The following SLTM variants were observed in gnomAD, a reference collection of about 807,000 sequenced individuals.
SLTM encodes the protein SAFB like transcription modulator.
SLTM carries 43 observed loss-of-function variants against 134.6 expected under a neutral mutation model. That is an observed-to-expected ratio of 0.32 (90% CI 0.25 to 0.41). The LOEUF is 0.41. Ranked by LOEUF, SLTM falls within the 10% of genes least tolerant of loss-of-function variation. SLTM has a pLI of 1.00. For missense variants in SLTM, 1,055 were observed against 1,288.8 expected (o/e 0.82, Z 2.78); for synonymous variants, 424 against 432.3 (o/e 0.98, Z 0.24).
intron 2 of SLTM, among the ~76,000 whole-genome samples, chr15:58,927,206 A>C (rs1158524765): frequency 6.6e-6 from 1 of 152,228 alleles, no homozygotes; most frequent in African/African-American, 2.4e-5. Context: ...ATATGCAATT[A>C]AAATAGGCAC....
intron 14 of SLTM, among the ~76,000 whole-genome samples, chr15:58,891,821 T>C (rs2034663980): frequency 1.3e-5 from 2 of 152,212 alleles, no homozygotes; most frequent in South Asian, 4.1e-4. Flanking sequence ...AAGTATGTTA[T>C]ACATCAATTT....
rs201656241 is a variant in SLTM at position 58,887,061 on chromosome 15, G to C, written c.2749C>G (p.Pro917Ala). ...EVSGHSVRGA[P>A]PGNRSSASGY... ...GAAGCGCTGCTACGATTCCCAGGGG[G>C]AGCGCCTCTCACACTGTGCCCTGAT... Residue 917 changes from proline to alanine, a missense_variant, in exon 19 of 21, where the codon CCC becomes GCC. Around this residue, in one of 3 missense-constraint regions of SLTM, gnomAD observed 776 missense variants for 962.2 expected, o/e 0.81. Coordinates refer to ENST00000380516, the MANE Select transcript of SLTM (RefSeq NM_024755.4). The C allele has an allele frequency of 9.4e-5, 152 of 1,613,874 alleles. No individual in the cohort carries two copies. The highest frequency in any genetic ancestry group is 1.3e-4 in the Non-Finnish European group (149 of 1,180,026).
chr15:58,887,576 G>C (rs2034323638), intron 17 of SLTM, 36 bp from the exon 18 acceptor site: 2 of 1,563,310 alleles, frequency 1.3e-6, no homozygotes, highest in Non-Finnish European at 1.7e-6. Context: ...GGTCCAAGAA[G>C]TGCTTACTTG....
intron 4 of SLTM, 185 bp from the exon 5 acceptor site, chr15:58,912,795 G>A (rs190806595): frequency 7.0e-5 from 37 of 526,166 alleles, no homozygotes; most frequent in African/African-American, 3.8e-4. Flanking sequence ...TAGCCATGTC[G>A]CTAGAGAATT....
In SLTM at chr15:58,887,451, T is replaced by G. The variant is rs764782082; in HGVS notation, c.2465A>C (p.Asn822Thr). The change falls in exon 18 of 21, where the codon AAT becomes ACT. Residue 822 changes from asparagine to threonine, a missense_variant. Physicochemically the swap from Asn to Thr is moderately conservative, Grantham distance 65. Around this residue, in one of 3 missense-constraint regions of SLTM, gnomAD observed 776 missense variants for 962.2 expected, o/e 0.81. Transcript: ENST00000380516. ...CTCATTTCTTCTGGAGTCACTGAAA[T>G]TTTTGGGATATCTTTCGAAGCTTGG... ...EDPSFERYPK[N>T]FSDSRRNEPP... The G allele has an allele frequency of 1.9e-6, 3 of 1,614,036 alleles. No homozygotes were observed. The African/African-American group carries it at 4.0e-5, about 22-fold the overall frequency.
At chr15:58,911,937 G>C (rs2141115952) in intron 5 of SLTM, among the ~76,000 whole-genome samples, 1 of 152,132 alleles carries the variant, frequency 6.6e-6, no homozygotes, top group South Asian at 2.1e-4. Flanking sequence ...TTTATATCAA[G>C]TGACAAGAAA....
chr15:58,933,607 A>T lies in SLTM; in HGVS notation c.-42T>A. The T allele has an allele frequency of 6.6e-7, 1 of 1,514,506 alleles. No homozygotes were observed. The highest frequency in any genetic ancestry group is 8.8e-7 in the Non-Finnish European group (1 of 1,131,790). 93.8% of individuals were successfully genotyped at this position (1,514,506 alleles called of 1,614,324 possible). On this transcript the variant is annotated 5_prime_UTR_variant, in exon 1 of 21. Transcript: ENST00000380516. ...GCTGCCGAGGCAGCGAGTGGGCTGC[A>T]GGGCGGCGGCAGCAGCGCCAACTTC...
chr15:58,908,559 G>A (rs529409643), intron 5 of SLTM, among the ~76,000 whole-genome samples: 1 of 152,088 alleles, frequency 6.6e-6, no homozygotes, highest in Non-Finnish European at 1.5e-5. Flanking sequence ...TATAGAGACA[G>A]GGTCTTACTA....
In SLTM at chr15:58,897,157, G is replaced by C. The variant is rs1161564489; in HGVS notation, c.1185C>G (p.Thr395=). The change falls in exon 9 of 21, where the codon ACC becomes ACG. Residue 395 remains threonine, a synonymous_variant. Transcript: ENST00000380516. Reference sequence around the variant, plus strand: ...AGAGGTTCTTCAAATCAGCAGCTTTGGTATTAGATGAAAGTCCACTAACCC... The same window carrying C: ...AGAGGTTCTTCAAATCAGCAGCTTTCGTATTAGATGAAAGTCCACTAACCC... ...NIWVSGLSSN[T]KAADLKNLFG... 1 of 1,613,052 alleles carries C rather than the reference G, an allele frequency of 6.2e-7. No individual in the cohort carries two copies. Among genetic ancestry groups the C allele is most frequent in the Admixed American group, 1.7e-5 (1 of 59,978 alleles).
chr15:58,898,700 AT>A, intron 8 of SLTM, 102 bp downstream of exon 8: 1 of 813,316 alleles, frequency 1.2e-6, no homozygotes, highest in Non-Finnish European at 2.0e-6. Context: ...TGTCAATAAA[AT>A]TTTTAAGGAC....
Position 58,887,233 on chromosome 15 carries a change from C to T in SLTM, c.2683G>A (p.Glu895Lys). The T allele has an allele frequency of 1.2e-6, 2 of 1,613,708 alleles. No homozygotes were observed. The highest frequency in any genetic ancestry group is 1.7e-6 in the Non-Finnish European group (2 of 1,179,708). ...TACATAGTACACAGCTACCTTGTTTCCCGTTTGTCAGTGGACATGCTTCCT... is the reference window on the plus strand; with the variant it reads ...TACATAGTACACAGCTACCTTGTTTTCCGTTTGTCAGTGGACATGCTTCCT... ...SEGSMSTDKR[E>K]TRVERPERSG... Residue 895 changes from glutamate to lysine, a missense_variant, in exon 18 of 21, where the codon GAA becomes AAA. By Grantham distance (56) the Glu-to-Lys change is moderately conservative. This residue lies in a region of SLTM where 776 missense variants were observed against 962.2 expected (regional missense o/e 0.81). Coordinates refer to ENST00000380516, the MANE Select transcript of SLTM (RefSeq NM_024755.4).
At chr15:58,931,741 T>C (rs928153902) in intron 2 of SLTM, among the ~76,000 whole-genome samples, 6 of 152,226 alleles carry the variant, frequency 3.9e-5, no homozygotes, top group African/African-American at 1.2e-4. Flanking sequence ...GAAATAAATA[T>C]ATTTTGCTCT....
chr15:58,889,752 G>A (rs1380322045), intron 15 of SLTM, among the ~76,000 whole-genome samples, 198 bp from the exon 16 acceptor site: 23 of 152,160 alleles, frequency 1.5e-4, no homozygotes, highest in Non-Finnish European at 4.4e-5. Context: ...AAATAACAAG[G>A]ACTGGGTGGT....
At chr15:58,912,821 G>C (rs2036378206) in intron 4 of SLTM, 4 of 492,516 alleles carry the variant, frequency 8.1e-6, no homozygotes, top group Non-Finnish European at 1.5e-5. Flanking sequence ...TATTTCTCTT[G>C]AGCCCCTCAT....
In SLTM at chr15:58,908,002, CGTGTGTGTGT is replaced by C. The variant is rs140029214; in HGVS notation, c.561+4551_561+4560del. 9.5e-4 allele frequency among the ~76,000 whole-genome samples: 133 copies of C among 139,926 alleles called. 2 individuals are homozygous for C. The East Asian group carries it at 0.017, about 18-fold the overall frequency. 91.8% of individuals were successfully genotyped at this position (139,926 alleles called of 152,430 possible). On this transcript the variant is annotated intron_variant, in intron 5 of 20. Coordinates refer to ENST00000380516, the MANE Select transcript of SLTM (RefSeq NM_024755.4). ...GATATATCCCTATATAAACATGCTG[CGTGTGTGTGT>C]GTGTGTGTGTGTGTGTGTGTGTGTA...
intron 5 of SLTM, among the ~76,000 whole-genome samples, chr15:58,908,974 T>C (rs2036070923): frequency 6.6e-6 from 1 of 152,146 alleles, no homozygotes. Context: ...AAAGTAAAAA[T>C]AAGCAAAAAC....
intron 5 of SLTM, among the ~76,000 whole-genome samples, chr15:58,912,267 T>A (rs1410820026): frequency 6.6e-6 from 1 of 151,972 alleles, no homozygotes; most frequent in Non-Finnish European, 1.5e-5. Flanking sequence ...GCCTAGCTAA[T>A]TTTTTGTATT....
At chr15:58,893,686 T>C in intron 12 of SLTM, 135 bp downstream of exon 12, 2 of 899,158 alleles carry the variant, frequency 2.2e-6, no homozygotes, top group Non-Finnish European at 1.7e-6. Context: ...TTACTCCTAC[T>C]AGACCTCCTT....
At chr15:58,910,495 C>T (rs1250561669) in intron 5 of SLTM, among the ~76,000 whole-genome samples, 2 of 152,198 alleles carry the variant, frequency 1.3e-5, no homozygotes, top group Admixed American at 1.3e-4. Flanking sequence ...AAATACATAA[C>T]TGTTCTTCCT....
Sources: allele counts gnomAD v4.1 joint callset (sites outside exome capture counted in the v4.1 genomes callset), GRCh38; gene constraint gnomAD v4.1.1; regional missense constraint gnomAD v4.1.1; transcripts MANE v1.5; gene names NCBI Gene and HGNC (gene_info 2026-07-23, HGNC 2026-07-21).